Variants in KANK1 observed in about 807,000 individuals in gnomAD.
KANK1 encodes the protein KN motif and ankyrin repeat domain-containing protein 1.
KANK1 carries 109 observed loss-of-function variants against 106.2 expected under a neutral mutation model. That is an observed-to-expected ratio of 1.03 (90% CI 0.88 to 1.20). KANK1 has a LOEUF of 1.20. Ranked by LOEUF, KANK1 falls within the 50% of genes most tolerant of loss-of-function variation. KANK1 has a pLI of 0.00. For synonymous variants in KANK1, 873 were observed against 652.2 expected, an observed-to-expected ratio of 1.34 and a Z score of -5.16; for missense variants, 2,399 against 1,710.7, an observed-to-expected ratio of 1.40 and a Z score of -7.10.
At chr9:521,726 C>T (rs969271726) in intron 1 of KANK1, among the ~76,000 whole-genome samples, 10 of 151,294 alleles carry the variant, frequency 6.6e-5, no homozygotes, top group East Asian at 3.9e-4. Context: ...CGCCACCACG[C>T]GTGGCTGATT....
At position 688,055 on chromosome 9, in the gene KANK1, G is replaced by A. The variant is rs138365199; in HGVS notation, c.37+11046G>A. 3.9e-5 allele frequency among the ~76,000 whole-genome samples: 6 copies of A among 152,300 alleles called. No individual in the cohort carries two copies. In the East Asian group the frequency reaches 9.7e-4, roughly 25 times the overall value. ...AGGTCAAAAATCAGGCCCAGCACCT[G>A]CCTAAGAATTTGTGGGCCTGAGCCC... On this transcript the variant is annotated intron_variant, in intron 2 of 11. Transcript: ENST00000382297.
chr9:493,341 C>T (rs1006205885), intron 3 of KANK1, among the ~76,000 whole-genome samples: 2 of 152,098 alleles, frequency 1.3e-5, no homozygotes, highest in African/African-American at 4.8e-5. Context: ...TGCTGAGCCT[C>T]CTTAGAAGAG....
At chr9:730,411 G>T (rs555638146) in intron 4 of KANK1, 163 bp downstream of exon 4, 2 of 773,822 alleles carry the variant, frequency 2.6e-6, no homozygotes, top group East Asian at 2.8e-5. Flanking sequence ...TACCAAAGAG[G>T]CCGGGCATGG....
chr9:616,967 G>C (rs906064578), intron 1 of KANK1, among the ~76,000 whole-genome samples: 2 of 152,178 alleles, frequency 1.3e-5, no homozygotes, highest in Non-Finnish European at 2.9e-5. Flanking sequence ...TCTTCCTTAG[G>C]AAGGAGCAGG....
chr9:574,212 C>G (rs1819944458), intron 1 of KANK1, among the ~76,000 whole-genome samples: 2 of 152,246 alleles, frequency 1.3e-5, no homozygotes, highest in Non-Finnish European at 2.9e-5. Flanking sequence ...GTACCTGTAA[C>G]ATTCCATAAA....
At chr9:616,412 G>T (rs1029999244) in intron 1 of KANK1, among the ~76,000 whole-genome samples, 2 of 152,154 alleles carry the variant, frequency 1.3e-5, no homozygotes, top group African/African-American at 4.8e-5. Context: ...AAACTGCATA[G>T]CCAGATCTTT....
chr9:527,843 C>T (rs1288321909), intron 1 of KANK1, among the ~76,000 whole-genome samples: 1 of 151,236 alleles, frequency 6.6e-6, no homozygotes, highest in East Asian at 1.9e-4. Flanking sequence ...AGTTTCCCCT[C>T]ACTTCTCTTT....
chr9:566,399 G>A (rs1817819357), intron 1 of KANK1, among the ~76,000 whole-genome samples: 1 of 152,136 alleles, frequency 6.6e-6, no homozygotes, highest in Non-Finnish European at 1.5e-5. Context: ...GGGTGGAATG[G>A]GAGTTATATT....
intron 1 of KANK1, among the ~76,000 whole-genome samples, chr9:526,389 A>G (rs1029907030): frequency 1.3e-5 from 2 of 151,598 alleles, no homozygotes; most frequent in African/African-American, 4.9e-5. Flanking sequence ...TGGTTCTCAT[A>G]TGGGAAAAAC....
intron 1 of KANK1, among the ~76,000 whole-genome samples, chr9:619,037 G>T (rs1420180983): frequency 1.3e-5 from 2 of 152,172 alleles, no homozygotes; most frequent in African/African-American, 2.4e-5. Flanking sequence ...TTTAGTGTCT[G>T]TTGGTCAAAA....
chr9:545,201 G>A (rs1463374928), intron 1 of KANK1, among the ~76,000 whole-genome samples: 1 of 151,868 alleles, frequency 6.6e-6, no homozygotes. Context: ...AATGGGGAGA[G>A]GCAAACATCA....
intron 1 of KANK1, among the ~76,000 whole-genome samples, chr9:577,099 C>G (rs1003474308): frequency 6.6e-6 from 1 of 152,110 alleles, no homozygotes; most frequent in Non-Finnish European, 1.5e-5. Flanking sequence ...GTAGTGCAGA[C>G]CCAAAGACTG....
chr9:717,008 G>T (rs147562037), intron 3 of KANK1, among the ~76,000 whole-genome samples: 1 of 151,856 alleles, frequency 6.6e-6, no homozygotes, highest in East Asian at 1.9e-4. Context: ...GGGGGAGATT[G>T]TGCACGGTGG....
At chr9:573,774 G>C (rs1819833060) in intron 1 of KANK1, among the ~76,000 whole-genome samples, 1 of 147,112 alleles carries the variant, frequency 6.8e-6, no homozygotes, top group Non-Finnish European at 1.5e-5. Flanking sequence ...TGAGTGAAAA[G>C]ACAGGAATTA....
At chr9:484,308 C>G (rs770922895) in intron 3 of KANK1, 1 of 152,260 alleles carries the variant, frequency 6.6e-6, no homozygotes, top group Non-Finnish European at 1.5e-5. Context: ...CACCTAACTT[C>G]TCTGAACCAT....
chr9:478,093 G>A (rs1275975106), intron 3 of KANK1: 4 of 216,196 alleles, frequency 1.9e-5, no homozygotes, highest in East Asian at 2.9e-4. Context: ...TGCCTCTGCC[G>A]TGAGCATCAA....
intron 1 of KANK1, among the ~76,000 whole-genome samples, chr9:650,048 A>G (rs1445658859): frequency 6.6e-6 from 1 of 152,162 alleles, no homozygotes; most frequent in Non-Finnish European, 1.5e-5. Context: ...TCCCCAATAT[A>G]ATAGAATAAA....
intron 1 of KANK1, among the ~76,000 whole-genome samples, chr9:510,756 T>C (rs541910162): frequency 6.6e-6 from 1 of 152,204 alleles, no homozygotes; most frequent in Non-Finnish European, 1.5e-5. Flanking sequence ...GAAAGCTGTT[T>C]GGTACATTCA....
chr9:581,926 C>G (rs952917461), intron 1 of KANK1, among the ~76,000 whole-genome samples: 3 of 152,162 alleles, frequency 2.0e-5, no homozygotes, highest in African/African-American at 2.4e-5. Context: ...GTTTCACAGT[C>G]ATTCACTTCC....
Sources: gnomAD v4.1 joint callset for allele counts (sites outside exome capture counted in the v4.1 genomes callset) on GRCh38, gnomAD v4.1.1 for gene constraint, MANE v1.5 for transcripts, NCBI Gene and HGNC (gene_info 2026-07-23, HGNC 2026-07-21) for gene names.